The following MAMDC2 variants were observed in gnomAD, a reference collection of about 807,000 sequenced individuals.
MAMDC2 encodes MAM domain-containing protein 2.
Under a neutral mutation model 89.8 loss-of-function variants are expected in MAMDC2, and 57 were observed. That is an observed-to-expected ratio of 0.63 (90% CI 0.51 to 0.79). The LOEUF is 0.79. MAMDC2 is among the 30% of genes least tolerant of loss of function. MAMDC2 has a pLI of 0.00. For synonymous variants in MAMDC2, 313 were observed against 293.4 expected (o/e 1.07, Z -0.68); for missense variants, 800 against 820.6 (o/e 0.97, Z 0.31).
intron 9 of MAMDC2, among the ~76,000 whole-genome samples, chr9:70,144,267 C>T (rs2031323301): frequency 6.6e-6 from 1 of 152,064 alleles, no homozygotes; most frequent in African/African-American, 2.4e-5. Context: ...AGGTTAACAA[C>T]CTAAGGCTCT....
chr9:70,068,688 T>TTCCAGCCTGGTTCAC (rs1460218555), intron 2 of MAMDC2, among the ~76,000 whole-genome samples: 1 of 144,638 alleles, frequency 6.9e-6, no homozygotes, highest in Non-Finnish European at 1.5e-5. Flanking sequence ...CACCACTGCA[T>TTCCAGCCTGGTTCAC]TCCAGCCTGG....
At chr9:70,209,952 A>G (rs890283287) in intron 11 of MAMDC2, among the ~76,000 whole-genome samples, 42 of 152,128 alleles carry the variant, frequency 2.8e-4, no homozygotes, top group African/African-American at 9.9e-4. Flanking sequence ...GTTTTGAGTG[A>G]GTTTTTAAAT....
At chr9:70,094,746 G>A (rs1483834595) in intron 2 of MAMDC2, among the ~76,000 whole-genome samples, 1 of 152,132 alleles carries the variant, frequency 6.6e-6, no homozygotes, top group Non-Finnish European at 1.5e-5. Context: ...GATATAGTGG[G>A]TACCCCTATA....
chr9:70,203,381 G>GC, intron 11 of MAMDC2, among the ~76,000 whole-genome samples: 1 of 129,880 alleles, frequency 7.7e-6, no homozygotes, highest in East Asian at 2.4e-4. Flanking sequence ...TTGAATATTG[G>GC]CCCCCACTCT....
At chr9:70,151,094 A>C (rs927761334) in intron 9 of MAMDC2, among the ~76,000 whole-genome samples, 1 of 152,148 alleles carries the variant, frequency 6.6e-6, no homozygotes, top group African/African-American at 2.4e-5. Flanking sequence ...TTGAGTCCCA[A>C]GGCCTTTCCT....
chr9:70,179,148 C>T (rs1396512857), intron 11 of MAMDC2, among the ~76,000 whole-genome samples: 2 of 151,922 alleles, frequency 1.3e-5, no homozygotes, highest in Admixed American at 6.6e-5. Flanking sequence ...ATTAAATGTA[C>T]CCACCAACTT....
At chr9:70,080,206 G>A (rs1251306190) in intron 2 of MAMDC2, among the ~76,000 whole-genome samples, 1 of 152,168 alleles carries the variant, frequency 6.6e-6, no homozygotes, top group East Asian at 1.9e-4. Flanking sequence ...CCTCGAGGTA[G>A]CTAATATTAT....
chr9:70,108,045 A>AT (rs1828387184), intron 2 of MAMDC2, among the ~76,000 whole-genome samples, 166 bp from the exon 3 acceptor site: 2 of 152,062 alleles, frequency 1.3e-5, no homozygotes. Context: ...GTGCTTTGTA[A>AT]TTTTTTCAAA....
At chr9:70,115,731 C>G (rs2029956675) in intron 5 of MAMDC2, among the ~76,000 whole-genome samples, 1 of 152,168 alleles carries the variant, frequency 6.6e-6, no homozygotes, top group Non-Finnish European at 1.5e-5. Context: ...TTTGTAGGAA[C>G]CACACTATAA....
At chr9:70,054,874 T>G (rs1391829713) in intron 2 of MAMDC2, among the ~76,000 whole-genome samples, 6 of 152,104 alleles carry the variant, frequency 3.9e-5, no homozygotes, top group Non-Finnish European at 8.8e-5. Flanking sequence ...GAGCTTGGGC[T>G]GAATCTGTGG....
chr9:70,214,400 T>G (rs2033408992), intron 11 of MAMDC2, among the ~76,000 whole-genome samples: 1 of 152,080 alleles, frequency 6.6e-6, no homozygotes, highest in South Asian at 2.1e-4. Context: ...ATTCCAGGAA[T>G]AATACAAAGG....
intron 2 of MAMDC2, among the ~76,000 whole-genome samples, chr9:70,085,643 C>T (rs943318891): frequency 4.6e-5 from 7 of 151,994 alleles, no homozygotes; most frequent in African/African-American, 1.4e-4. Flanking sequence ...ATAACTTGCC[C>T]TCAACTAACC....
chr9:70,125,857 T>C (rs1157625935), intron 5 of MAMDC2, among the ~76,000 whole-genome samples: 2 of 152,182 alleles, frequency 1.3e-5, no homozygotes, highest in African/African-American at 4.8e-5. Flanking sequence ...ACTTAAGCAC[T>C]TGACAGATGA....
intron 11 of MAMDC2, 102 bp from the exon 12 acceptor site, chr9:70,218,235 T>C (rs1477262643): frequency 1.6e-6 from 2 of 1,289,138 alleles, no homozygotes; most frequent in Non-Finnish European, 2.1e-6. Flanking sequence ...TCAGTACTTT[T>C]AGTCAGATCA....
In MAMDC2 at chr9:70,143,814, A is replaced by G; in HGVS notation, c.1399A>G (p.Thr467Ala). Residue 467 changes from threonine (T) to alanine (A), a missense_variant, in exon 9 of 14, where the codon ACC becomes GCC. By Grantham distance (58) the Thr-to-Ala change is moderately conservative. Coordinates refer to ENST00000377182, the MANE Select transcript of MAMDC2 (RefSeq NM_153267.5). ...AATCACCTTTAAGAAGCCCATGCCT[A>G]CCAAGGTACAGCAGAGCCAATTTCT... ...AEITFKKPMP[T>A]KVVFMSLCKS... 1.2e-6 allele frequency: 2 copies of G among 1,613,732 alleles called. No homozygotes were observed. Among genetic ancestry groups the G allele is most frequent in the East Asian group, 2.2e-5 (1 of 44,870 alleles).
At chr9:70,219,019 G>A (rs569176713) in intron 12 of MAMDC2, among the ~76,000 whole-genome samples, 40 of 152,220 alleles carry the variant, frequency 2.6e-4, no homozygotes, top group Admixed American at 2.6e-3. Flanking sequence ...TTAACAGTGA[G>A]CATGGTCCAG....
chr9:70,178,309 G>A (rs982939736), intron 11 of MAMDC2, among the ~76,000 whole-genome samples: 10 of 152,264 alleles, frequency 6.6e-5, no homozygotes, highest in Admixed American at 5.2e-4. Context: ...ATCCCATGGT[G>A]GAAGGGGCAG....
chr9:70,170,281 T>C (rs993373707), intron 10 of MAMDC2, 198 bp from the exon 11 acceptor site: 1 of 463,728 alleles, frequency 2.2e-6, no homozygotes. Flanking sequence ...TTGTTCTCTA[T>C]GTCTGTGGCA....
chr9:70,123,534 A>T (rs907480625), intron 5 of MAMDC2, among the ~76,000 whole-genome samples: 1 of 152,208 alleles, frequency 6.6e-6, no homozygotes, highest in Non-Finnish European at 1.5e-5. Flanking sequence ...AAAGTTTAAA[A>T]AAATATGGTG....
Sources: allele counts gnomAD v4.1 joint callset (sites outside exome capture counted in the v4.1 genomes callset), GRCh38; gene constraint gnomAD v4.1.1; transcripts MANE v1.5; gene names NCBI Gene and HGNC (gene_info 2026-07-23, HGNC 2026-07-21).